Variants in SMIM31 observed in about 807,000 individuals in gnomAD.
SMIM31 encodes small integral membrane protein 31, also known as human epithelial cell program regulator.
intron 2 of SMIM31, among the ~76,000 whole-genome samples, chr4:164,796,381 T>C (rs12108423): frequency 0.083 from 12,666 of 152,216 alleles, 582 homozygotes; most frequent in African/African-American, 0.13. Flanking sequence ...TCAGTCCTTG[T>C]GTGCCTCCTT....
intron 1 of SMIM31, among the ~76,000 whole-genome samples, chr4:164,755,394 C>A (rs993141359): frequency 6.6e-6 from 1 of 150,410 alleles, no homozygotes; most frequent in African/African-American, 2.5e-5. Context: ...GCAGGAGAAT[C>A]ACTTGAGCCC....
At chr4:164,772,659 A>G (rs1010906456) in intron 2 of SMIM31, among the ~76,000 whole-genome samples, 5 of 150,514 alleles carry the variant, frequency 3.3e-5, no homozygotes, top group Admixed American at 6.6e-5. Context: ...ACTCACTGCA[A>G]GCTCCGCCTC....
chr4:164,787,456 T>C (rs1324114319), intron 2 of SMIM31: 3 of 151,994 alleles, frequency 2.0e-5, no homozygotes, highest in African/African-American at 7.2e-5. Flanking sequence ...GTTGCTCTTA[T>C]ATTTTAATTT....
intron 2 of SMIM31, among the ~76,000 whole-genome samples, chr4:164,783,217 C>CAAAAAAAA (rs753365487): frequency 1.5e-4 from 5 of 32,868 alleles, no homozygotes; most frequent in Non-Finnish European, 2.3e-4. Flanking sequence ...GACTCTGTCT[C>CAAAAAAAA]AAAAAAAAAA....
intron 2 of SMIM31, among the ~76,000 whole-genome samples, chr4:164,773,285 G>A (rs1732836792): frequency 6.6e-6 from 1 of 152,120 alleles, no homozygotes; most frequent in South Asian, 2.1e-4. Context: ...CTCTGCCATT[G>A]GGTAATTCTG....
chr4:164,762,481 C>A (rs1210028229), intron 1 of SMIM31, among the ~76,000 whole-genome samples: 1 of 151,842 alleles, frequency 6.6e-6, no homozygotes, highest in Non-Finnish European at 1.5e-5. Context: ...CTTCGGGAAG[C>A]CGAGGCAGGC....
chr4:164,774,287 C>A lies in SMIM31; in HGVS notation c.112+3732C>A, dbSNP rs138679177. On this transcript the variant is annotated intron_variant, in intron 2 of 2. Transcript: ENST00000507311. The stretch of plus-strand genomic sequence containing the variant: ...TCTTTGTTTTAAATATCTGGCAATA[C>A]AATACATTCCACACAAATCAATTGC... Among the ~76,000 whole-genome samples the A allele has an allele frequency of 3.7e-3, 558 of 151,934 alleles. 2 individuals are homozygous for A. Among genetic ancestry groups the A allele is most frequent in the African/African-American group, 0.013 (535 of 41,448 alleles).
chr4:164,786,702 G>A (rs1733029828), intron 2 of SMIM31, among the ~76,000 whole-genome samples: 1 of 152,102 alleles, frequency 6.6e-6, no homozygotes, highest in East Asian at 1.9e-4. Flanking sequence ...GGCTTTATAG[G>A]TATAGATCCA....
At chr4:164,795,417 G>T (rs747781169) in intron 2 of SMIM31, among the ~76,000 whole-genome samples, 1 of 152,068 alleles carries the variant, frequency 6.6e-6, no homozygotes, top group African/African-American at 2.4e-5. Flanking sequence ...AATTAGCCAG[G>T]TGTGGTGGTG....
chr4:164,793,591 T>C (rs1194050753), intron 2 of SMIM31, among the ~76,000 whole-genome samples: 2 of 152,226 alleles, frequency 1.3e-5, no homozygotes, highest in Non-Finnish European at 2.9e-5. Context: ...AGGCAGCCAC[T>C]ATATCGCTGT....
chr4:164,772,829 C>T (rs1204112642), intron 2 of SMIM31, among the ~76,000 whole-genome samples: 3 of 151,574 alleles, frequency 2.0e-5, no homozygotes, highest in Non-Finnish European at 2.9e-5. Context: ...CCGCCCGCCT[C>T]GGCCTCCCAA....
chr4:164,760,702 T>C (rs1194716828), intron 1 of SMIM31, among the ~76,000 whole-genome samples: 1 of 130,406 alleles, frequency 7.7e-6, no homozygotes, highest in Non-Finnish European at 1.5e-5. Context: ...ATAACGCCAC[T>C]ATGCTCCAGC....
intron 1 of SMIM31, among the ~76,000 whole-genome samples, chr4:164,762,295 A>G (rs1732661158): frequency 6.6e-6 from 1 of 152,232 alleles, no homozygotes; most frequent in Admixed American, 6.5e-5. Context: ...TATACCTAAC[A>G]TCAACAGAAA....
Position 164,755,859 on chromosome 4 carries a change from G to C in SMIM31, c.-26+1448G>C, listed in dbSNP as rs868658950. Among the ~76,000 whole-genome samples, 8 of 152,172 alleles carry C rather than the reference G, an allele frequency of 5.3e-5. 1 individual carries two copies. In the South Asian group the frequency reaches 1.7e-3, roughly 32 times the overall value. On this transcript the variant is annotated intron_variant, in intron 1 of 2. Coordinates refer to ENST00000507311, the MANE Select transcript of SMIM31 (RefSeq NM_001352885.1). ...TTCCCAACACGTTGTTATGAAAATTGTTCAAACATAGAGAAAAATTGAAAT... is the reference window on the plus strand; with the variant it reads ...TTCCCAACACGTTGTTATGAAAATTCTTCAAACATAGAGAAAAATTGAAAT...
At chr4:164,785,471 G>T (rs1017590373) in intron 2 of SMIM31, among the ~76,000 whole-genome samples, 2 of 151,988 alleles carry the variant, frequency 1.3e-5, no homozygotes, top group East Asian at 3.9e-4. Flanking sequence ...ACGTATCAAG[G>T]TTTTTGTGAG....
At position 164,801,436 on chromosome 4, in the gene SMIM31, CAA is replaced by C. The variant is rs796648282; in HGVS notation, c.*252_*253del. 130 of 238,076 alleles carry C rather than the reference CAA, an allele frequency of 5.5e-4. No homozygotes were observed. Among genetic ancestry groups the C allele is most frequent in the Middle Eastern group, 1.2e-3 (1 of 864 alleles). The allele number at this position is 238,076 out of a possible 1,614,324, so 14.7% of individuals were successfully genotyped here. A position where few individuals can be genotyped will look rare whatever the true frequency, so the allele number is the denominator to read the frequency against. ...ACCATTCTAGCTGCAATTGATTATA[CAA>C]AAAAAAAAAGACCAAAGTGGTTACA... On this transcript the variant is annotated 3_prime_UTR_variant, in exon 3 of 3. Coordinates refer to ENST00000507311, the MANE Select transcript of SMIM31 (RefSeq NM_001352885.1).
At chr4:164,794,117 C>A (rs1231041659) in intron 2 of SMIM31, among the ~76,000 whole-genome samples, 3 of 152,214 alleles carry the variant, frequency 2.0e-5, no homozygotes, top group African/African-American at 7.2e-5. Flanking sequence ...TGGCTCACGT[C>A]TGTAACCCCA....
intron 2 of SMIM31, among the ~76,000 whole-genome samples, chr4:164,784,899 G>GTTT (rs112698821): frequency 3.4e-5 from 5 of 146,224 alleles, no homozygotes; most frequent in Admixed American, 6.8e-5. Flanking sequence ...ATTTGTTTGG[G>GTTT]TTTTTTTTTT....
At chr4:164,797,983 G>A (rs1733227016) in intron 2 of SMIM31, among the ~76,000 whole-genome samples, 1 of 152,092 alleles carries the variant, frequency 6.6e-6, no homozygotes, top group Admixed American at 6.6e-5. Flanking sequence ...AGAACATACA[G>A]TATTTGTCTT....
Sources: allele counts gnomAD v4.1 joint callset (sites outside exome capture counted in the v4.1 genomes callset), GRCh38; gene constraint gnomAD v4.1.1; transcripts MANE v1.5; gene names NCBI Gene and HGNC (gene_info 2026-07-23, HGNC 2026-07-21).